The following SDC1 variants were observed in gnomAD, a reference collection of about 807,000 sequenced individuals.
The protein encoded by SDC1 is syndecan 1.
In SDC1, 14 loss-of-function variants were observed where a neutral mutation model predicts 29.7. The observed-to-expected ratio is 0.47, with a 90% confidence interval of 0.31 to 0.74. The LOEUF (loss-of-function observed/expected upper bound fraction) is 0.74. SDC1 is among the 30% of genes least tolerant of loss of function. The probability of loss-of-function intolerance (pLI) is 0.05; values close to 1 mark genes in which losing one functional copy is unlikely to be tolerated. For missense variants in SDC1, 406 were observed against 400.3 expected, an observed-to-expected ratio of 1.01 and a Z score of -0.12; for synonymous variants, 204 against 175.5, an observed-to-expected ratio of 1.16 and a Z score of -1.29.
At chr2:20,216,699 G>A (rs753570972) in intron 1 of SDC1, among the ~76,000 whole-genome samples, 1 of 152,174 alleles carries the variant, frequency 6.6e-6, no homozygotes, top group Non-Finnish European at 1.5e-5. Flanking sequence ...CATGGGAACA[G>A]CAGGGCCAGG....
intron 1 of SDC1, among the ~76,000 whole-genome samples, chr2:20,214,251 G>A (rs1324015810): frequency 1.3e-5 from 2 of 152,188 alleles, no homozygotes; most frequent in Non-Finnish European, 2.9e-5. Flanking sequence ...CTCCTCCCAC[G>A]TACAGAACAA....
intron 1 of SDC1, among the ~76,000 whole-genome samples, chr2:20,218,879 A>G (rs1358587189): frequency 6.6e-6 from 1 of 152,106 alleles, no homozygotes; most frequent in African/African-American, 2.4e-5. Flanking sequence ...CCCTCAGGTG[A>G]ATCACTAGGC....
At chr2:20,206,189 G>T (rs751696357) in intron 1 of SDC1, among the ~76,000 whole-genome samples, 4 of 152,246 alleles carry the variant, frequency 2.6e-5, no homozygotes, top group Non-Finnish European at 5.9e-5. Flanking sequence ...GGCTAATCTG[G>T]AAGGGGCCCT....
At chr2:20,206,624 G>T (rs1677280617) in intron 1 of SDC1, among the ~76,000 whole-genome samples, 1 of 152,160 alleles carries the variant, frequency 6.6e-6, no homozygotes, top group African/African-American at 2.4e-5. Context: ...CAATGTCTGG[G>T]ACCAGAACAA....
chr2:20,224,037 T>C lies in SDC1; in HGVS notation c.66+765A>G, dbSNP rs1197436911. Reference sequence around the variant, plus strand: ...GAGGCCATTCCCGGGTCCCCTCGCGTGGAAGGCGCCTGCGCCTCGGCCGTG... The same window carrying C: ...GAGGCCATTCCCGGGTCCCCTCGCGCGGAAGGCGCCTGCGCCTCGGCCGTG... On this transcript the variant is annotated intron_variant, in intron 1 of 4. Transcript: ENST00000254351. The surrounding 1 kb of genome is among the most constrained non-coding windows in gnomAD (Gnocchi z 4.9). Among the ~76,000 whole-genome samples the C allele has an allele frequency of 6.6e-6, 1 of 152,136 alleles. No homozygotes were observed. The highest frequency in any genetic ancestry group is 1.5e-5 in the Non-Finnish European group (1 of 68,012).
chr2:20,212,493 C>T (rs980069412), intron 1 of SDC1, among the ~76,000 whole-genome samples: 1 of 152,202 alleles, frequency 6.6e-6, no homozygotes, highest in East Asian at 1.9e-4. Flanking sequence ...AAACACAGCC[C>T]GCCAGGGAGG....
intron 1 of SDC1, among the ~76,000 whole-genome samples, chr2:20,212,598 C>T (rs531427305): frequency 6.6e-6 from 1 of 152,322 alleles, no homozygotes; most frequent in South Asian, 2.1e-4. Context: ...GGCCTCAAGG[C>T]AGCATCAGCA....
intron 2 of SDC1, 26 bp downstream of exon 2, chr2:20,205,317 G>A (rs74334882): frequency 0.013 from 20,204 of 1,511,234 alleles, 320 homozygotes; most frequent in Middle Eastern, 0.052. Flanking sequence ...CGTCTTGGGT[G>A]GGGGGGGCCC....
At chr2:20,203,708 G>T in intron 3 of SDC1, 105 bp downstream of exon 3, 1 of 867,010 alleles carries the variant, frequency 1.2e-6, no homozygotes, top group Non-Finnish European at 1.8e-6. Flanking sequence ...CTGTCTTCCT[G>T]GTGAGGAATA....
intron 1 of SDC1, among the ~76,000 whole-genome samples, chr2:20,214,688 A>G (rs1343820025): frequency 6.6e-6 from 1 of 152,198 alleles, no homozygotes; most frequent in Non-Finnish European, 1.5e-5. Flanking sequence ...GGAAGTAGCC[A>G]CATGCCTTGC....
chr2:20,218,517 C>CCACACACACAGACACA (rs60283271), intron 1 of SDC1, among the ~76,000 whole-genome samples: 2 of 151,820 alleles, frequency 1.3e-5, no homozygotes, highest in South Asian at 2.1e-4. Context: ...CACCCCCCCA[C>CCACACACACAGACACA]CACACACACA....
At chr2:20,203,690 C>T in intron 3 of SDC1, 123 bp downstream of exon 3, 1 of 769,970 alleles carries the variant, frequency 1.3e-6, no homozygotes, top group Non-Finnish European at 2.1e-6. Flanking sequence ...AAGGCGGGCC[C>T]CTGTGCCCTG....
At chr2:20,204,382 A>G (rs1677180432) in intron 2 of SDC1, 91 bp from the exon 3 acceptor site, 3 of 837,020 alleles carry the variant, frequency 3.6e-6, no homozygotes. Flanking sequence ...GAGGCTCCAG[A>G]GCACCTGGGC....
At chr2:20,210,638 G>GTGGGA in intron 1 of SDC1, among the ~76,000 whole-genome samples, 1 of 152,354 alleles carries the variant, frequency 6.6e-6, no homozygotes, top group South Asian at 2.1e-4. Flanking sequence ...CCCGGCTTCT[G>GTGGGA]TGGGAGCCCA....
At position 20,202,735 on chromosome 2, in the gene SDC1, G is replaced by T; in HGVS notation, c.*31C>A. 1.9e-6 allele frequency: 3 copies of T among 1,558,366 alleles called. No individual in the cohort carries two copies. The highest frequency in any genetic ancestry group is 2.6e-6 in the Non-Finnish European group (3 of 1,150,262). The stretch of plus-strand genomic sequence containing the variant: ...AGAGGCAAGTGGGGGCCTAGTGAGT[G>T]GCAGGGCGGAGGGGGCGCATGGCTC... On this transcript the variant is annotated 3_prime_UTR_variant, in exon 5 of 5. Coordinates refer to ENST00000254351, the MANE Select transcript of SDC1 (RefSeq NM_002997.5).
chr2:20,217,953 C>T (rs1309107975), intron 1 of SDC1, among the ~76,000 whole-genome samples: 12 of 152,200 alleles, frequency 7.9e-5, no homozygotes, highest in Admixed American at 7.9e-4. Context: ...CGAATCCACC[C>T]CTCAAGCAGC....
At chr2:20,215,350 C>G (rs1677594849) in intron 1 of SDC1, among the ~76,000 whole-genome samples, 2 of 151,122 alleles carry the variant, frequency 1.3e-5, no homozygotes, top group Admixed American at 1.3e-4. Context: ...CAGGAGGCAA[C>G]CCAGCCCGTA....
At position 20,203,983 on chromosome 2, in the gene SDC1, G is replaced by A. The variant is rs1485360884; in HGVS notation, c.457C>T (p.Pro153Ser). 3.7e-6 allele frequency: 6 copies of A among 1,614,026 alleles called. No homozygotes were observed. The highest frequency in any genetic ancestry group is 5.1e-6 in the Non-Finnish European group (6 of 1,180,020). The change falls in exon 3 of 5, where the codon CCC (proline) becomes TCC (serine). Residue 153 changes from proline to serine, a missense_variant. Physicochemically the swap from Pro to Ser is moderately conservative, Grantham distance 74. Coordinates refer to ENST00000254351, the MANE Select transcript of SDC1 (RefSeq NM_002997.5). Reference protein sequence around the residue: ...TTAQEPATSHPHRDMQPGHHE... With the variant: ...TTAQEPATSHSHRDMQPGHHE... ...TGGCCAGGCTGCATGTCCCTGTGGG[G>A]GTGGGAGGTGGCGGGCTCCTGGGCC... is the stretch of plus-strand genomic sequence containing the variant.
intron 1 of SDC1, among the ~76,000 whole-genome samples, chr2:20,222,708 C>G (rs982166283): frequency 6.6e-6 from 1 of 152,190 alleles, no homozygotes; most frequent in Non-Finnish European, 1.5e-5. Flanking sequence ...TCTGCCCCAG[C>G]CCACAGAAAA....
Sources: gnomAD v4.1 joint callset for allele counts (sites outside exome capture counted in the v4.1 genomes callset) on GRCh38, gnomAD v4.1.1 for gene constraint, Gnocchi (gnomAD v3.1) non-coding constraint, MANE v1.5 for transcripts, NCBI Gene and HGNC (gene_info 2026-07-23, HGNC 2026-07-21) for gene names.